Variants in PKIB observed in about 807,000 individuals in gnomAD.
The protein encoded by PKIB is PKI-beta.
In PKIB, 2 loss-of-function variants were observed where a neutral mutation model predicts 4.5. That is an observed-to-expected ratio of 0.44 (90% confidence interval 0.18 to 1.39). The LOEUF is 1.39. Ranked by LOEUF, PKIB falls within the 40% of genes most tolerant of loss-of-function variation. The pLI is 0.27. For missense variants in PKIB, 94 were observed against 92.6 expected, an observed-to-expected ratio of 1.02 and a Z score of -0.06; for synonymous variants, 38 against 36.0, an observed-to-expected ratio of 1.06 and a Z score of -0.20.
At chr6:122,681,751 C>T (rs1270932753) in intron 3 of PKIB, among the ~76,000 whole-genome samples, 2 of 152,164 alleles carry the variant, frequency 1.3e-5, no homozygotes, top group Non-Finnish European at 2.9e-5. Context: ...TTAAATGATG[C>T]TTTTCCATCC....
rs533553939 is a variant in PKIB, at chr6:122,553,481, C to CTTTTTTT, written c.-247-32424_-247-32418dup. ...TCTCTCAAGATTGCTCAAATATCTTCTTTTTTTTTTTTTTTTTTTTTTCTG... is the reference window on the plus strand; with the variant it reads ...TCTCTCAAGATTGCTCAAATATCTTCTTTTTTTTTTTTTTTTTTTTTTTTTTTTTCTG... On this transcript the variant is annotated intron_variant, in intron 2 of 6. Transcript: ENST00000392491. 1.7e-3 allele frequency among the ~76,000 whole-genome samples: 111 copies of CTTTTTTT among 65,800 alleles called. 19 individuals are homozygous for CTTTTTTT. The highest frequency in any genetic ancestry group is 4.3e-3 in the African/African-American group (73 of 16,948). The allele number at this position is 65,800 out of a possible 152,430, so 43.2% of individuals were successfully genotyped here.
chr6:122,551,260 T>C (rs890386443), intron 2 of PKIB, among the ~76,000 whole-genome samples: 1 of 152,164 alleles, frequency 6.6e-6, no homozygotes. Context: ...AATTCAAATA[T>C]TGCACCTTCG....
chr6:122,506,634 G>A (rs926366305), intron 2 of PKIB, among the ~76,000 whole-genome samples: 4 of 151,214 alleles, frequency 2.6e-5, no homozygotes, highest in African/African-American at 9.7e-5. Flanking sequence ...CCCCTTAGGA[G>A]ACCAATTAAT....
intron 1 of PKIB, among the ~76,000 whole-genome samples, chr6:122,624,402 CTT>C (rs778547301): frequency 1.3e-5 from 2 of 152,140 alleles, no homozygotes; most frequent in African/African-American, 2.4e-5. Context: ...TATTAGCACT[CTT>C]GTTTCTCTCC....
intron 2 of PKIB, among the ~76,000 whole-genome samples, chr6:122,548,326 C>A (rs970908818): frequency 6.6e-6 from 1 of 152,140 alleles, no homozygotes; most frequent in Non-Finnish European, 1.5e-5. Flanking sequence ...AGTGTATAGA[C>A]TATCAGCAGC....
chr6:122,626,294 GTTA>G lies in PKIB; in HGVS notation c.-160-6983_-160-6981del, dbSNP rs1257090669. Among the ~76,000 whole-genome samples the G allele has an allele frequency of 4.6e-5, 7 of 152,172 alleles. 1 individual carries two copies. Among genetic ancestry groups the G allele is most frequent in the Admixed American group, 1.3e-4 (2 of 15,292 alleles). ...AACACATTTGCAAATATTCTTTAAA[GTTA>G]TTATTTACCTTTTGCTAATACGAGT... On this transcript the variant is annotated intron_variant, in intron 1 of 4. Coordinates refer to ENST00000368452, the MANE Select transcript of PKIB (RefSeq NM_181795.3).
At position 122,622,352 on chromosome 6, in the gene PKIB, C is replaced by G. The variant is rs766779354; in HGVS notation, c.-160-10931C>G. Among the ~76,000 whole-genome samples the G allele has an allele frequency of 2.0e-5, 3 of 151,592 alleles. No individual in the cohort carries two copies. In the East Asian group the frequency reaches 5.8e-4, roughly 29 times the overall value. Reference sequence around the variant, plus strand: ...ACTATTTTTGCCAAAGATTTTAGTTCTGATGCTTTAGTTTTTCTGACAGCT... The same window carrying G: ...ACTATTTTTGCCAAAGATTTTAGTTGTGATGCTTTAGTTTTTCTGACAGCT... On this transcript the variant is annotated intron_variant, in intron 1 of 4. Coordinates refer to ENST00000368452, the MANE Select transcript of PKIB (RefSeq NM_181795.3).
chr6:122,479,690 C>T (rs1184043793), intron 2 of PKIB: 2 of 152,094 alleles, frequency 1.3e-5, no homozygotes, highest in Non-Finnish European at 1.5e-5. Flanking sequence ...TTTCCTTTGG[C>T]GAGCAGTTAT....
chr6:122,607,446 G>A (rs1366459052), upstream of PKIB, among the ~76,000 whole-genome samples: 2 of 152,140 alleles, frequency 1.3e-5, no homozygotes, highest in East Asian at 3.9e-4. Flanking sequence ...TGAGCCTGGG[G>A]GGCCAAGTCT....
At chr6:122,571,081 G>A (rs1002134020) in intron 2 of PKIB, among the ~76,000 whole-genome samples, 1 of 151,938 alleles carries the variant, frequency 6.6e-6, no homozygotes, top group Non-Finnish European at 1.5e-5. Context: ...GGAAATAAAA[G>A]ACATACTTAG....
intron 2 of PKIB, among the ~76,000 whole-genome samples, chr6:122,514,388 G>A (rs1328175677): frequency 6.6e-6 from 1 of 152,132 alleles, no homozygotes; most frequent in Non-Finnish European, 1.5e-5. Context: ...ATTCTCTATG[G>A]TGGTACATGC....
intron 2 of PKIB, among the ~76,000 whole-genome samples, chr6:122,550,754 G>T (rs1220246509): frequency 6.6e-6 from 1 of 152,122 alleles, no homozygotes; most frequent in Non-Finnish European, 1.5e-5. Flanking sequence ...TGATTTGGGT[G>T]TCCTATTTTC....
intron 2 of PKIB, among the ~76,000 whole-genome samples, chr6:122,569,924 G>C (rs1272063615): frequency 6.6e-6 from 1 of 152,140 alleles, no homozygotes; most frequent in East Asian, 1.9e-4. Flanking sequence ...CCAACAGGGA[G>C]GCAACCTCTC....
chr6:122,615,793 G>T (rs1774957391), intron 1 of PKIB, among the ~76,000 whole-genome samples: 1 of 152,124 alleles, frequency 6.6e-6, no homozygotes, highest in Non-Finnish European at 1.5e-5. Flanking sequence ...TAAACCAAGG[G>T]ATGCCAAGGT....
At chr6:122,521,572 C>T (rs886394045) in intron 2 of PKIB, among the ~76,000 whole-genome samples, 2 of 151,872 alleles carry the variant, frequency 1.3e-5, no homozygotes, top group African/African-American at 2.4e-5. Flanking sequence ...CCCAGCTACT[C>T]AGGAGGCTGA....
At chr6:122,679,687 C>T (rs1189895742) in intron 3 of PKIB, among the ~76,000 whole-genome samples, 4 of 152,108 alleles carry the variant, frequency 2.6e-5, no homozygotes, top group Admixed American at 2.0e-4. Context: ...GCAGGAAAAT[C>T]CAGGAGGAGG....
At chr6:122,591,031 AACAG>A (rs1774003207) in intron 3 of PKIB, among the ~76,000 whole-genome samples, 1 of 152,034 alleles carries the variant, frequency 6.6e-6, no homozygotes, top group South Asian at 2.1e-4. Context: ...TAAAAAAAAA[AACAG>A]ACAAACAAAA....
intron 3 of PKIB, among the ~76,000 whole-genome samples, chr6:122,683,454 C>T (rs1777978113): frequency 6.6e-6 from 1 of 152,110 alleles, no homozygotes; most frequent in African/African-American, 2.4e-5. Flanking sequence ...ATAAGGAATT[C>T]ACCCCCCATG....
chr6:122,597,856 G>T (rs540880829), intron 3 of PKIB, among the ~76,000 whole-genome samples: 2 of 152,268 alleles, frequency 1.3e-5, no homozygotes, highest in South Asian at 4.1e-4. Flanking sequence ...TGGACCCACT[G>T]TAAGCTGGAC....
Sources: gnomAD v4.1 joint callset for allele counts (sites outside exome capture counted in the v4.1 genomes callset) on GRCh38, gnomAD v4.1.1 for gene constraint, MANE v1.5 for transcripts, NCBI Gene and HGNC (gene_info 2026-07-23, HGNC 2026-07-21) for gene names.